The following MYT1L variants were observed in gnomAD, a reference collection of about 807,000 sequenced individuals.
MYT1L encodes the protein myelin transcription factor 1 like.
Under a neutral mutation model 126.7 loss-of-function variants are expected in MYT1L, and 12 were observed. The observed-to-expected ratio is 0.09, with a 90% CI of 0.06 to 0.15. The LOEUF is 0.15. MYT1L is among the 10% of genes least tolerant of loss of function. The probability of loss-of-function intolerance (pLI) is 1.00; values close to 1 mark genes in which losing one functional copy is unlikely to be tolerated. For synonymous variants in MYT1L, 541 were observed against 604.2 expected, an observed-to-expected ratio of 0.90 and a Z score of 1.53; for missense variants, 979 against 1,585.2, an observed-to-expected ratio of 0.62 and a Z score of 6.49.
intron 9 of MYT1L, among the ~76,000 whole-genome samples, chr2:1,924,589 T>C (rs1449015851): frequency 1.3e-5 from 2 of 152,226 alleles, no homozygotes; most frequent in East Asian, 3.8e-4. Context: ...GAGTTCAATA[T>C]GTCAATAACA....
chr2:2,250,093 C>T (rs904572313), intron 2 of MYT1L, among the ~76,000 whole-genome samples: 1 of 152,028 alleles, frequency 6.6e-6, no homozygotes, highest in African/African-American at 2.4e-5. Flanking sequence ...TTAGTACAAC[C>T]ACTATAGAGA....
chr2:1,996,050 G>A lies in MYT1L; in HGVS notation c.-1+1141C>T, dbSNP rs565986383. On this transcript the variant is annotated intron_variant, in intron 5 of 24. Coordinates refer to ENST00000647738, the MANE Select transcript of MYT1L (RefSeq NM_001303052.2). The stretch of plus-strand genomic sequence containing the variant: ...CTGAGGCATCTTCCCAGGATGGAAA[G>A]TGGAAGAGGGAAGGGCCGGAGAGGC... Among the ~76,000 whole-genome samples the A allele has an allele frequency of 5.3e-5, 8 of 152,350 alleles. No homozygotes were observed. The East Asian group carries it at 1.5e-3, about 29-fold the overall frequency.
intron 20 of MYT1L, 46 bp from the exon 21 acceptor site, chr2:1,839,416 G>A (rs1460481407): frequency 2.6e-6 from 4 of 1,532,270 alleles, no homozygotes; most frequent in Non-Finnish European, 3.6e-6. Flanking sequence ...GGCCACCGTC[G>A]CCTGGTGGCT....
chr2:2,229,787 A>G (rs1417695837), intron 2 of MYT1L, among the ~76,000 whole-genome samples: 1 of 152,158 alleles, frequency 6.6e-6, no homozygotes, highest in Non-Finnish European at 1.5e-5. Flanking sequence ...AGCTGCTCCC[A>G]TGGTGTGTGT....
chr2:2,112,946 T>C (rs1238924926), intron 3 of MYT1L, among the ~76,000 whole-genome samples: 1 of 152,168 alleles, frequency 6.6e-6, no homozygotes, highest in Admixed American at 6.5e-5. Context: ...GGCTTCATAA[T>C]CATGAGACAA....
At chr2:2,074,101 TAAATA>T (rs775977666) in intron 3 of MYT1L, among the ~76,000 whole-genome samples, 3 of 152,230 alleles carry the variant, frequency 2.0e-5, no homozygotes, top group Non-Finnish European at 2.9e-5. Context: ...AAGAGAAACA[TAAATA>T]AAATAAATCA....
intron 8 of MYT1L, among the ~76,000 whole-genome samples, chr2:1,950,426 C>A (rs569215115): frequency 2.6e-5 from 4 of 151,986 alleles, no homozygotes; most frequent in Non-Finnish European, 5.9e-5. Context: ...GACCTACTCC[C>A]AACCTCATGG....
intron 1 of MYT1L, among the ~76,000 whole-genome samples, chr2:2,291,550 T>C (rs2095599799): frequency 6.6e-6 from 1 of 152,132 alleles, no homozygotes; most frequent in Non-Finnish European, 1.5e-5. Context: ...AACTGGAAGG[T>C]GAAAATCAAA....
At chr2:1,984,834 A>C (rs2060887517) in intron 5 of MYT1L, among the ~76,000 whole-genome samples, 1 of 152,138 alleles carries the variant, frequency 6.6e-6, no homozygotes, top group Non-Finnish European at 1.5e-5. Flanking sequence ...AAATGCACGA[A>C]AATTTCATAA....
intron 3 of MYT1L, among the ~76,000 whole-genome samples, chr2:2,146,860 T>C (rs1458230846): frequency 1.3e-5 from 2 of 152,194 alleles, no homozygotes; most frequent in African/African-American, 4.8e-5. Flanking sequence ...AGGCAATGTC[T>C]TGTGTGACCT....
chr2:1,891,939 A>G (rs2148874168), intron 15 of MYT1L, 98 bp downstream of exon 15: 1 of 1,435,320 alleles, frequency 7.0e-7, no homozygotes, highest in African/African-American at 1.4e-5. Context: ...CGTTTGCCCC[A>G]TACAGCTGCC....
intron 3 of MYT1L, among the ~76,000 whole-genome samples, chr2:2,112,912 A>G (rs1369590751): frequency 2.0e-5 from 3 of 152,188 alleles, no homozygotes; most frequent in Non-Finnish European, 4.4e-5. Context: ...AAATGCCTGT[A>G]ATGCTGATCT....
intron 3 of MYT1L, among the ~76,000 whole-genome samples, chr2:2,074,853 C>T (rs2075041035): frequency 6.6e-6 from 1 of 152,162 alleles, no homozygotes; most frequent in Non-Finnish European, 1.5e-5. Flanking sequence ...GACCTGAGCC[C>T]TGAAACGATC....
At chr2:1,947,534 C>T (rs1384972806) in intron 8 of MYT1L, among the ~76,000 whole-genome samples, 1 of 152,128 alleles carries the variant, frequency 6.6e-6, no homozygotes, top group Non-Finnish European at 1.5e-5. Flanking sequence ...GCCATCGAGG[C>T]GTGGGAGGCG....
At chr2:2,193,467 T>C (rs17039365) in intron 2 of MYT1L, among the ~76,000 whole-genome samples, 26,371 of 152,204 alleles carry the variant, frequency 0.17, 2,464 homozygotes, top group African/African-American at 0.26. Flanking sequence ...CACGGTCAGT[T>C]GTCTCCCCAG....
chr2:1,862,061 T>G (rs907056286), intron 18 of MYT1L, among the ~76,000 whole-genome samples: 1 of 152,046 alleles, frequency 6.6e-6, no homozygotes, highest in Non-Finnish European at 1.5e-5. Flanking sequence ...TCCCAAATTC[T>G]GCCTCGTGCC....
chr2:2,233,388 G>A (rs562618959), intron 2 of MYT1L, among the ~76,000 whole-genome samples: 4 of 152,138 alleles, frequency 2.6e-5, no homozygotes, highest in Non-Finnish European at 2.9e-5. Flanking sequence ...AACGGGCTGC[G>A]GGAGCCCTAG....
chr2:2,111,778 G>A (rs934477753), intron 3 of MYT1L, among the ~76,000 whole-genome samples: 6 of 152,312 alleles, frequency 3.9e-5, no homozygotes, highest in South Asian at 2.1e-4. Flanking sequence ...AAAAAAGGAC[G>A]AAGACAAGAG....
chr2:2,081,316 A>G (rs1419346168), intron 3 of MYT1L, among the ~76,000 whole-genome samples: 1 of 152,160 alleles, frequency 6.6e-6, no homozygotes, highest in Non-Finnish European at 1.5e-5. Context: ...AGTTTGTAAA[A>G]TTTATTAACG....
Sources: gnomAD v4.1 joint callset for allele counts (sites outside exome capture counted in the v4.1 genomes callset) on GRCh38, gnomAD v4.1.1 for gene constraint, MANE v1.5 for transcripts, NCBI Gene and HGNC (gene_info 2026-07-23, HGNC 2026-07-21) for gene names.